RBFOX3: variants seen among roughly 807,000 people sequenced by gnomAD.
RBFOX3 encodes the protein RNA binding fox-1 homolog 3, also known as RNA binding protein fox-1 homolog 3.
RBFOX3 carries 17 observed loss-of-function variants against 48.7 expected under a neutral mutation model. That is an observed-to-expected ratio of 0.35 (90% confidence interval 0.24 to 0.52). RBFOX3 has a LOEUF of 0.52. Ranked by LOEUF, RBFOX3 falls within the 20% of genes least tolerant of loss-of-function variation. The probability of loss-of-function intolerance (pLI) is 0.94; values close to 1 mark genes in which losing one functional copy is unlikely to be tolerated. For missense variants in RBFOX3, 382 were observed against 497.5 expected, an observed-to-expected ratio of 0.77 and a Z score of 2.21; for synonymous variants, 212 against 209.5, an observed-to-expected ratio of 1.01 and a Z score of -0.10.
At chr17:79,504,701 G>C (rs1838302260) in intron 1 of RBFOX3, among the ~76,000 whole-genome samples, 1 of 152,220 alleles carries the variant, frequency 6.6e-6, no homozygotes, top group Admixed American at 6.5e-5. Flanking sequence ...TACATTTAGG[G>C]CCCGCCTGGA....
At chr17:79,606,947 T>C (rs927473284) in intron 1 of RBFOX3, among the ~76,000 whole-genome samples, 2 of 151,790 alleles carry the variant, frequency 1.3e-5, no homozygotes, top group African/African-American at 4.8e-5. Flanking sequence ...ACCCAGGACG[T>C]TATAGAGGAC....
At chr17:79,343,706 G>A (rs1463315419) in intron 2 of RBFOX3, among the ~76,000 whole-genome samples, 4 of 152,038 alleles carry the variant, frequency 2.6e-5, no homozygotes, top group Non-Finnish European at 5.9e-5. Flanking sequence ...CCATTTGTGG[G>A]GTATGTACTG....
At chr17:79,411,609 G>A (rs552531765) in intron 2 of RBFOX3, among the ~76,000 whole-genome samples, 1 of 152,192 alleles carries the variant, frequency 6.6e-6, no homozygotes, top group Non-Finnish European at 1.5e-5. Flanking sequence ...GCCCGACTTC[G>A]GTCCCCACGC....
intron 3 of RBFOX3, among the ~76,000 whole-genome samples, chr17:79,251,522 C>G (rs1296242899): frequency 6.6e-6 from 1 of 152,190 alleles, no homozygotes; most frequent in Non-Finnish European, 1.5e-5. Context: ...AGTGCCCACC[C>G]AAGTTGCCTC....
At chr17:79,591,230 T>G (rs1309108921) in intron 1 of RBFOX3, among the ~76,000 whole-genome samples, 1 of 151,794 alleles carries the variant, frequency 6.6e-6, no homozygotes, top group Non-Finnish European at 1.5e-5. Flanking sequence ...TTGCCATGTG[T>G]CCCCCCTGGC....
intron 2 of RBFOX3, among the ~76,000 whole-genome samples, chr17:79,449,475 A>G (rs1555740210): frequency 6.6e-6 from 1 of 152,014 alleles, no homozygotes; most frequent in Non-Finnish European, 1.5e-5. Context: ...CCCTAATCCA[A>G]TTCATCCAAC....
rs144006851 is a variant in RBFOX3 at position 79,273,708 on chromosome 17, C to T, written c.-74+34016G>A. Among the ~76,000 whole-genome samples the T allele has an allele frequency of 9.9e-3, 1,507 of 152,242 alleles. 25 individuals are homozygous for T. Among genetic ancestry groups the T allele is most frequent in the African/African-American group, 0.034 (1,422 of 41,522 alleles). On this transcript the variant is annotated intron_variant, in intron 3 of 14. Coordinates refer to ENST00000693108, the MANE Select transcript of RBFOX3 (RefSeq NM_001350451.2). Reference sequence around the variant, plus strand: ...GCTCAGCCCCATTGGCAGTGATGTCCGAGCGGGGCAGGTCCAGGATGGCTG... The same window carrying T: ...GCTCAGCCCCATTGGCAGTGATGTCTGAGCGGGGCAGGTCCAGGATGGCTG...
chr17:79,186,482 G>A (rs769146766), intron 4 of RBFOX3, among the ~76,000 whole-genome samples: 58 of 152,138 alleles, frequency 3.8e-4, no homozygotes, highest in Non-Finnish European at 6.3e-4. Context: ...GCACCAGGGC[G>A]GTACGAAGCT....
intron 2 of RBFOX3, among the ~76,000 whole-genome samples, chr17:79,474,799 C>T (rs1005231106): frequency 1.1e-4 from 16 of 152,286 alleles, no homozygotes; most frequent in African/African-American, 3.1e-4. Flanking sequence ...CAGAGCCCCA[C>T]GCATCACTAA....
intron 14 of RBFOX3, chr17:79,091,797 C>T (rs924268068): frequency 2.2e-5 from 6 of 272,332 alleles, no homozygotes; most frequent in Non-Finnish European, 2.8e-5. Flanking sequence ...CTTGGCCCTG[C>T]GGTGCTAAGG....
At chr17:79,431,664 T>C (rs2068483193) in intron 2 of RBFOX3, among the ~76,000 whole-genome samples, 2 of 152,270 alleles carry the variant, frequency 1.3e-5, no homozygotes, top group African/African-American at 2.4e-5. Flanking sequence ...TTTGTATCTT[T>C]AGTAGAGACA....
intron 4 of RBFOX3, among the ~76,000 whole-genome samples, chr17:79,122,467 T>A (rs768817744): frequency 7.9e-5 from 12 of 152,356 alleles, no homozygotes; most frequent in Admixed American, 7.8e-4. Flanking sequence ...CTCACCATCA[T>A]TGATCATCAG....
intron 2 of RBFOX3, among the ~76,000 whole-genome samples, chr17:79,351,411 C>A (rs2083916973): frequency 2.0e-5 from 3 of 152,146 alleles, no homozygotes; most frequent in African/African-American, 7.2e-5. Flanking sequence ...ACCATCCTTG[C>A]CCATTCTTGC....
chr17:79,094,982 T>C (rs2074889430), intron 13 of RBFOX3, among the ~76,000 whole-genome samples: 1 of 152,114 alleles, frequency 6.6e-6, no homozygotes, highest in South Asian at 2.1e-4. Flanking sequence ...CGACTTTCCC[T>C]TCAGCAGTTT....
chr17:79,617,707 C>T, the RBFOX3 span, among the ~76,000 whole-genome samples: 1 of 152,238 alleles, frequency 6.6e-6, no homozygotes, highest in African/African-American at 2.4e-5. Context: ...GAGCTCATCC[C>T]TCCAGTGGTC....
At chr17:79,277,002 C>A (rs558604888) in intron 3 of RBFOX3, among the ~76,000 whole-genome samples, 2 of 152,222 alleles carry the variant, frequency 1.3e-5, no homozygotes, top group South Asian at 4.1e-4. Flanking sequence ...TCCCAGTGAG[C>A]ACATGATGAC....
intron 4 of RBFOX3, among the ~76,000 whole-genome samples, chr17:79,231,777 A>T (rs1323200263): frequency 6.6e-6 from 1 of 152,234 alleles, no homozygotes; most frequent in Non-Finnish European, 1.5e-5. Flanking sequence ...ACCATTGATG[A>T]AATTAAAGAA....
At chr17:79,196,202 T>G (rs2055555958) in intron 4 of RBFOX3, among the ~76,000 whole-genome samples, 1 of 152,118 alleles carries the variant, frequency 6.6e-6, no homozygotes, top group Admixed American at 6.6e-5. Context: ...AGAGTGGAGC[T>G]TGGATCATCT....
intron 2 of RBFOX3, among the ~76,000 whole-genome samples, chr17:79,448,986 G>T (rs1014071014): frequency 6.6e-6 from 1 of 152,056 alleles, no homozygotes; most frequent in African/African-American, 2.4e-5. Flanking sequence ...TGCCAGCCAC[G>T]CTCCCCTGTG....
Sources: allele counts gnomAD v4.1 joint callset (sites outside exome capture counted in the v4.1 genomes callset), GRCh38; gene constraint gnomAD v4.1.1; transcripts MANE v1.5; gene names NCBI Gene and HGNC (gene_info 2026-07-23, HGNC 2026-07-21).